The following EXOC2 variants were observed in gnomAD, a reference collection of about 807,000 sequenced individuals.
EXOC2 encodes exocyst complex component 2, also known as SEC5-like 1.
In EXOC2, 70 loss-of-function variants were observed where a neutral mutation model predicts 131.8. That is an observed-to-expected ratio of 0.53 (90% CI 0.44 to 0.65). The LOEUF is 0.65. Among genes scored for constraint, EXOC2 ranks in the 30% least tolerant of loss-of-function variants. The pLI, the probability that EXOC2 is intolerant of heterozygous loss-of-function variation, is 0.00. For synonymous variants in EXOC2, 411 were observed against 398.4 expected, an observed-to-expected ratio of 1.03 and a Z score of -0.38; for missense variants, 923 against 1,108.6, an observed-to-expected ratio of 0.83 and a Z score of 2.38.
intron 1 of EXOC2, 105 bp from the exon 2 acceptor site, chr6:637,966 A>G: frequency 4.0e-6 from 3 of 756,030 alleles, no homozygotes; most frequent in Non-Finnish European, 6.3e-6. Context: ...AAGTATTCTT[A>G]AACACAGAGT....
At chr6:560,993 C>T (rs1197099882) in intron 17 of EXOC2, among the ~76,000 whole-genome samples, 4 of 151,986 alleles carry the variant, frequency 2.6e-5, no homozygotes. Flanking sequence ...CAGGCATGAG[C>T]CACAGCACCC....
intron 6 of EXOC2, among the ~76,000 whole-genome samples, chr6:612,034 A>G (rs1760740863): frequency 6.6e-6 from 1 of 152,262 alleles, no homozygotes; most frequent in Non-Finnish European, 1.5e-5. Flanking sequence ...TAAACGAGGC[A>G]CCAAGGAATA....
chr6:690,602 C>G (rs1385197777), intron 1 of EXOC2, among the ~76,000 whole-genome samples: 1 of 152,130 alleles, frequency 6.6e-6, no homozygotes, highest in Non-Finnish European at 1.5e-5. Flanking sequence ...ACTTGGGAGG[C>G]TGAGGCGGCA....
intron 13 of EXOC2, among the ~76,000 whole-genome samples, chr6:572,044 T>G (rs1211051573): frequency 2.6e-5 from 4 of 152,238 alleles, no homozygotes; most frequent in Non-Finnish European, 1.5e-5. Context: ...TGTAAGCTGA[T>G]AACAATGGGG....
intron 6 of EXOC2, among the ~76,000 whole-genome samples, chr6:615,036 G>T (rs958148894): frequency 6.6e-6 from 1 of 151,936 alleles, no homozygotes; most frequent in African/African-American, 2.4e-5. Flanking sequence ...AACAGATAAC[G>T]AAAGGGCCTA....
At chr6:570,376 AC>A (rs1198760291) in intron 13 of EXOC2, among the ~76,000 whole-genome samples, 3 of 151,928 alleles carry the variant, frequency 2.0e-5, no homozygotes, top group Non-Finnish European at 4.4e-5. Context: ...CTCGTGATCC[AC>A]CCGCCTCGGC....
At chr6:628,125 G>A (rs1044148294) in intron 4 of EXOC2, among the ~76,000 whole-genome samples, 7 of 152,114 alleles carry the variant, frequency 4.6e-5, no homozygotes, top group Admixed American at 1.3e-4. Context: ...CTGATTCCTC[G>A]CATCGACCCT....
intron 1 of EXOC2, among the ~76,000 whole-genome samples, chr6:646,376 G>A (rs892135706): frequency 3.9e-5 from 6 of 152,186 alleles, no homozygotes; most frequent in African/African-American, 1.2e-4. Flanking sequence ...ACTGGTGGGC[G>A]TGGTTAAAGG....
At chr6:631,854 G>C (rs1246040572) in intron 3 of EXOC2, among the ~76,000 whole-genome samples, 1 of 152,122 alleles carries the variant, frequency 6.6e-6, no homozygotes, top group East Asian at 1.9e-4. Flanking sequence ...AGTCCACTCT[G>C]AATTTTCCCT....
chr6:514,698 G>A (rs1045950680), intron 23 of EXOC2, among the ~76,000 whole-genome samples: 3 of 152,220 alleles, frequency 2.0e-5, no homozygotes, highest in African/African-American at 7.2e-5. Context: ...TGGGGCAGAT[G>A]TCTATGGGAG....
rs1757766620 is a variant in EXOC2, at chr6:562,775, T to TA, written c.1851+8dup. 6.3e-7 allele frequency: 1 copy of TA among 1,576,780 alleles called. No homozygotes were observed. The highest frequency in any genetic ancestry group is 1.2e-5 in the South Asian group (1 of 82,634). On this transcript the variant is annotated intron_variant, in intron 17 of 27. Coordinates refer to ENST00000230449, the MANE Select transcript of EXOC2 (RefSeq NM_018303.6). Reference sequence around the variant, plus strand: ...TAATGACTAATAATTGAAAAGAACTTAAACTTACTAGAGAAGTCAGTCCTT... The same window carrying TA: ...TAATGACTAATAATTGAAAAGAACTTAAAACTTACTAGAGAAGTCAGTCCTT...
intron 6 of EXOC2, among the ~76,000 whole-genome samples, chr6:611,671 A>G (rs1760722071): frequency 6.6e-6 from 1 of 152,226 alleles, no homozygotes; most frequent in East Asian, 1.9e-4. Flanking sequence ...AGAAAATTAA[A>G]CCAAATAACC....
intron 1 of EXOC2, among the ~76,000 whole-genome samples, chr6:686,013 T>C (rs1160654859): frequency 6.8e-6 from 1 of 147,240 alleles, no homozygotes; most frequent in East Asian, 2.1e-4. Context: ...ACTCTGTCAC[T>C]AGGCTGAAGT....
At chr6:635,660 C>T (rs987567639) in intron 2 of EXOC2, among the ~76,000 whole-genome samples, 1 of 150,552 alleles carries the variant, frequency 6.6e-6, no homozygotes, top group Non-Finnish European at 1.5e-5. Context: ...TAGATATCAT[C>T]TGAGTTAAAA....
intron 4 of EXOC2, among the ~76,000 whole-genome samples, chr6:623,420 C>T (rs1761395938): frequency 6.6e-6 from 1 of 152,244 alleles, no homozygotes; most frequent in African/African-American, 2.4e-5. Context: ...GACATTAAAA[C>T]TCTTTCACTG....
At chr6:591,501 T>A (rs1759540716) in intron 11 of EXOC2, among the ~76,000 whole-genome samples, 1 of 152,112 alleles carries the variant, frequency 6.6e-6, no homozygotes, top group Non-Finnish European at 1.5e-5. Flanking sequence ...ACCCTTCTGA[T>A]CTCAAAAGAG....
At chr6:620,568 C>T (rs1761237528) in intron 4 of EXOC2, among the ~76,000 whole-genome samples, 1 of 152,128 alleles carries the variant, frequency 6.6e-6, no homozygotes, top group Admixed American at 6.5e-5. Context: ...AACAGTTACG[C>T]AGTGGGGAAA....
rs115602254 is a variant in EXOC2, at chr6:640,845, C to T, written c.-43-2984G>A. On this transcript the variant is annotated intron_variant, in intron 1 of 27. Transcript: ENST00000230449. ...TGTTTAAGCCACTCGGTCTAGTATA[C>T]TTTGTTATAACAGCCCTACCAAACT... is the stretch of plus-strand genomic sequence containing the variant. Among the ~76,000 whole-genome samples, 1,016 of 151,726 alleles carry T rather than the reference C, an allele frequency of 6.7e-3. 11 individuals carry two copies. Among genetic ancestry groups the T allele is most frequent in the African/African-American group, 0.024 (979 of 41,322 alleles).
At chr6:514,256 A>G (rs1247952195) in intron 23 of EXOC2, among the ~76,000 whole-genome samples, 1 of 152,242 alleles carries the variant, frequency 6.6e-6, no homozygotes, top group African/African-American at 2.4e-5. Context: ...GGTTTAGAAC[A>G]AATAGTAACT....
Sources: gnomAD v4.1 joint callset for allele counts (sites outside exome capture counted in the v4.1 genomes callset) on GRCh38, gnomAD v4.1.1 for gene constraint, MANE v1.5 for transcripts, NCBI Gene and HGNC (gene_info 2026-07-23, HGNC 2026-07-21) for gene names.